The following KATNIP variants were observed in gnomAD, a reference collection of about 807,000 sequenced individuals.
The protein encoded by KATNIP is katanin interacting protein, also known as katanin-interacting protein.
A neutral mutation model predicts 174.0 loss-of-function variants in KATNIP; 126 were observed. The observed-to-expected ratio is 0.72, with a 90% CI of 0.63 to 0.84. The LOEUF (loss-of-function observed/expected upper bound fraction) is 0.84. Ranked by LOEUF, KATNIP falls within the 40% of genes least tolerant of loss-of-function variation. The pLI, the probability that KATNIP is intolerant of heterozygous loss-of-function variation, is 0.00. For synonymous variants in KATNIP, 810 were observed against 835.7 expected, an observed-to-expected ratio of 0.97 and a Z score of 0.53; for missense variants, 1,958 against 2,109.7, an observed-to-expected ratio of 0.93 and a Z score of 1.41.
chr16:27,601,854 C>T (rs915857730), intron 2 of KATNIP, among the ~76,000 whole-genome samples: 3 of 152,290 alleles, frequency 2.0e-5, no homozygotes, highest in African/African-American at 7.2e-5. Flanking sequence ...ATCATCTACT[C>T]AGACAGCCCT....
chr16:27,766,910 A>T (rs1186019172), intron 20 of KATNIP, among the ~76,000 whole-genome samples: 2 of 152,156 alleles, frequency 1.3e-5, no homozygotes, highest in East Asian at 1.9e-4. Flanking sequence ...AGGAAGGTTC[A>T]CTTGCCCATC....
intron 14 of KATNIP, among the ~76,000 whole-genome samples, chr16:27,722,055 GC>G (rs1567349475): frequency 6.6e-6 from 1 of 152,164 alleles, no homozygotes; most frequent in Admixed American, 6.5e-5. Flanking sequence ...TGGACTCCAG[GC>G]CCTTTCTCTT....
chr16:27,559,019 T>C (rs1206655934), intron 1 of KATNIP, among the ~76,000 whole-genome samples: 2 of 152,188 alleles, frequency 1.3e-5, no homozygotes, highest in Non-Finnish European at 2.9e-5. Flanking sequence ...TGGAATAATA[T>C]ACATTTTGAA....
intron 1 of KATNIP, among the ~76,000 whole-genome samples, chr16:27,560,711 C>A (rs2141591057): frequency 6.6e-6 from 1 of 152,322 alleles, no homozygotes; most frequent in Middle Eastern, 3.4e-3. Context: ...TCCCCCATGG[C>A]AGGACCCCAT....
At chr16:27,574,726 G>A (rs1357045948) in intron 2 of KATNIP, among the ~76,000 whole-genome samples, 1 of 151,794 alleles carries the variant, frequency 6.6e-6, no homozygotes, top group Non-Finnish European at 1.5e-5. Flanking sequence ...CACCAAGCCC[G>A]GCTAATTTTG....
In KATNIP at chr16:27,770,009, C is replaced by T. The variant is rs376364596; in HGVS notation, c.4124C>T (p.Pro1375Leu). The change falls in exon 21 of 28, where the codon CCG (proline) becomes CTG (leucine). Residue 1375 changes from proline to leucine, a missense_variant. Coordinates refer to ENST00000261588, the MANE Select transcript of KATNIP (RefSeq NM_015202.5). ...DYLRAQLLPQ[P>L]ARRLDMRSLE... ...CTACGGGCTCAGCTGCTGCCCCAGC[C>T]GGCCAGGAGGTGAGGAGAAAGTGGG... 22 of 1,613,446 alleles carry T rather than the reference C, an allele frequency of 1.4e-5. No homozygotes were observed. Among genetic ancestry groups the T allele is most frequent in the East Asian group, 1.1e-4 (5 of 44,886 alleles).
In KATNIP at chr16:27,749,809, C is replaced by T. The variant is rs71389806; in HGVS notation, c.2849C>T (p.Ser950Leu). 7.1e-4 allele frequency: 1,150 copies of T among 1,612,370 alleles called. 1 individual carries two copies. Among genetic ancestry groups the T allele is most frequent in the Non-Finnish European group, 9.1e-4 (1,069 of 1,179,088 alleles). ...PSKKGEQPGL[S>L]RGQDGYSGET... Reference sequence around the variant, plus strand: ...AAGAAGGGGGAGCAGCCAGGGCTGTCGAGAGGGCAGGATGGCTACTCTGGA... The same window carrying T: ...AAGAAGGGGGAGCAGCCAGGGCTGTTGAGAGGGCAGGATGGCTACTCTGGA... The change falls in exon 16 of 28, where the codon TCG becomes TTG. Residue 950 changes from serine to leucine, a missense_variant. This residue lies in a region of KATNIP where 1,557 missense variants were observed against 1,617.8 expected (regional missense o/e 0.96). Transcript: ENST00000261588.
intron 21 of KATNIP, among the ~76,000 whole-genome samples, 187 bp from the exon 22 acceptor site, chr16:27,771,401 A>G (rs1398800179): frequency 1.3e-5 from 2 of 152,138 alleles, no homozygotes; most frequent in Non-Finnish European, 1.5e-5. Flanking sequence ...TCCTGCCAGC[A>G]TTGGCAATGA....
At chr16:27,757,484 T>C in intron 18 of KATNIP, 1 of 985,274 alleles carries the variant, frequency 1.0e-6, no homozygotes, top group Non-Finnish European at 1.2e-6. Context: ...ATCTGATGAT[T>C]TCCCCAAAGA....
intron 12 of KATNIP, among the ~76,000 whole-genome samples, chr16:27,706,983 A>T (rs775690555): frequency 2.0e-5 from 3 of 152,148 alleles, no homozygotes; most frequent in African/African-American, 4.8e-5. Flanking sequence ...GTGGAGCAGG[A>T]GGAAGCTGTG....
chr16:27,657,004 A>G (rs2077316828), intron 6 of KATNIP, among the ~76,000 whole-genome samples: 1 of 152,090 alleles, frequency 6.6e-6, no homozygotes, highest in East Asian at 1.9e-4. Context: ...TGTGAGGGAG[A>G]GGAATTGCTA....
Position 27,687,517 on chromosome 16 carries a change from C to T in KATNIP, c.940+5987C>T, listed in dbSNP as rs997849383. The T allele has an allele frequency of 3.3e-5, 5 of 152,236 alleles. No homozygotes were observed. The East Asian group carries it at 9.6e-4, about 29-fold the overall frequency. 9.4% of individuals were successfully genotyped at this position (152,236 alleles called of 1,614,324 possible). ...TCAATTAAATGTGTGTGTGATGCAA[C>T]TCCAAGAGAGCTTCATTCCTTTCTA... On this transcript the variant is annotated intron_variant, in intron 8 of 27. Coordinates refer to ENST00000261588, the MANE Select transcript of KATNIP (RefSeq NM_015202.5).
At chr16:27,660,028 G>A (rs1455681237) in intron 6 of KATNIP, 5 of 982,898 alleles carry the variant, frequency 5.1e-6, no homozygotes, top group Non-Finnish European at 4.8e-6. Context: ...CGGAGTTTGC[G>A]AGTCTTGTTT....
intron 8 of KATNIP, among the ~76,000 whole-genome samples, chr16:27,683,283 C>G (rs1390010111): frequency 6.6e-6 from 1 of 152,220 alleles, no homozygotes; most frequent in Non-Finnish European, 1.5e-5. Flanking sequence ...CTAACTGGAG[C>G]CTGCATCCCA....
At chr16:27,721,865 C>T (rs1366527629) in intron 14 of KATNIP, among the ~76,000 whole-genome samples, 170 bp downstream of exon 14, 1 of 152,178 alleles carries the variant, frequency 6.6e-6, no homozygotes. Context: ...TCATAGCCCC[C>T]AGGGACAGAG....
intron 8 of KATNIP, among the ~76,000 whole-genome samples, chr16:27,683,469 A>G (rs1158966279): frequency 6.6e-6 from 1 of 152,196 alleles, no homozygotes; most frequent in Non-Finnish European, 1.5e-5. Flanking sequence ...GAGCCTGGAA[A>G]GAGGCCTGCC....
chr16:27,662,035 TATATATACACATAC>T (rs1333107096), intron 6 of KATNIP, among the ~76,000 whole-genome samples: 1 of 45,174 alleles, frequency 2.2e-5, no homozygotes, highest in Non-Finnish European at 4.1e-5. Flanking sequence ...TATATATATA[TATATATACACATAC>T]ATATATATAT....
In KATNIP at chr16:27,654,722, A is replaced by G. The variant is rs766063003; in HGVS notation, c.540+5987A>G. 34 of 1,351,840 alleles carry G rather than the reference A, an allele frequency of 2.5e-5. No individual in the cohort carries two copies. In the African/African-American group the frequency reaches 4.9e-4, roughly 19 times the overall value. 83.7% of individuals were successfully genotyped at this position (1,351,840 alleles called of 1,614,324 possible). A position where few individuals can be genotyped will look rare whatever the true frequency, so the allele number is the denominator to read the frequency against. ...GGACAAAGAAAGGATCCTCTTAACT[A>G]TTCAGGATGTGATGGTAAGATCAGT... On this transcript the variant is annotated intron_variant, in intron 6 of 27. Coordinates refer to ENST00000261588, the MANE Select transcript of KATNIP (RefSeq NM_015202.5).
intron 3 of KATNIP, among the ~76,000 whole-genome samples, chr16:27,623,605 G>A (rs574977200): frequency 6.6e-6 from 1 of 152,194 alleles, no homozygotes; most frequent in East Asian, 1.9e-4. Flanking sequence ...GCCTACATGT[G>A]CGGGCCACCA....
Sources: gnomAD v4.1 joint callset for allele counts (sites outside exome capture counted in the v4.1 genomes callset) on GRCh38, gnomAD v4.1.1 for gene constraint, gnomAD v4.1.1 regional missense constraint, MANE v1.5 for transcripts, NCBI Gene and HGNC (gene_info 2026-07-23, HGNC 2026-07-21) for gene names.